The following PIK3AP1 variants were observed in gnomAD, a reference collection of about 807,000 sequenced individuals.
PIK3AP1 encodes the protein phosphoinositide-3-kinase adaptor protein 1.
PIK3AP1 carries 21 observed loss-of-function variants against 88.1 expected under a neutral mutation model. The observed-to-expected ratio is 0.24, with a 90% CI of 0.17 to 0.34. The LOEUF is 0.34. PIK3AP1 is among the 10% of genes least tolerant of loss of function. The pLI is 1.00. For missense variants in PIK3AP1, 828 were observed against 1,035.7 expected (o/e 0.80, Z 2.75); for synonymous variants, 398 against 400.0 (o/e 1.00, Z 0.06).
intron 2 of PIK3AP1, among the ~76,000 whole-genome samples, chr10:96,676,430 C>T (rs916970751): frequency 1.3e-5 from 2 of 151,702 alleles, no homozygotes; most frequent in African/African-American, 2.4e-5. Context: ...GGCTATGACC[C>T]GAGGTCATTA....
chr10:96,681,414 A>C (rs1254612717), intron 2 of PIK3AP1, among the ~76,000 whole-genome samples: 4 of 152,266 alleles, frequency 2.6e-5, no homozygotes, highest in South Asian at 4.1e-4. Context: ...TCAAAGTCAG[A>C]GAATAACTGG....
At chr10:96,704,148 G>A (rs1169660004) in intron 2 of PIK3AP1, among the ~76,000 whole-genome samples, 1 of 152,196 alleles carries the variant, frequency 6.6e-6, no homozygotes, top group Non-Finnish European at 1.5e-5. Context: ...TCTATGAGCA[G>A]GGGCAAAGGA....
chr10:96,704,932 T>C (rs1369620515), intron 2 of PIK3AP1, among the ~76,000 whole-genome samples: 1 of 152,156 alleles, frequency 6.6e-6, no homozygotes, highest in African/African-American at 2.4e-5. Flanking sequence ...TCTACTCTAT[T>C]ACCCACTCCA....
At chr10:96,610,385 C>T (rs1476712035) in intron 13 of PIK3AP1, among the ~76,000 whole-genome samples, 2 of 152,164 alleles carry the variant, frequency 1.3e-5, no homozygotes, top group African/African-American at 4.8e-5. Flanking sequence ...ATCATCAATG[C>T]CAGCAGAAAC....
intron 11 of PIK3AP1, 52 bp from the exon 12 acceptor site, chr10:96,620,609 C>CTGGTG: frequency 6.6e-7 from 1 of 1,506,172 alleles, no homozygotes; most frequent in Non-Finnish European, 9.2e-7. Context: ...GGGGACCACT[C>CTGGTG]ACCAGAAGTG....
Position 96,593,842 on chromosome 10 carries a change from G to A in PIK3AP1, c.*1735C>T, listed in dbSNP as rs574707750. On this transcript the variant is annotated 3_prime_UTR_variant, in exon 17 of 17. Transcript: ENST00000339364. Reference sequence around the variant, plus strand: ...AGATTCCAGAAGCTGTTTCTGACAAGAAGTCCTTGTTTCAGTACTCTTCAG... The same window carrying A: ...AGATTCCAGAAGCTGTTTCTGACAAAAAGTCCTTGTTTCAGTACTCTTCAG... 38 of 152,312 alleles carry A rather than the reference G, an allele frequency of 2.5e-4. 1 individual carries two copies. The South Asian group carries it at 4.8e-3, about 19-fold the overall frequency. The allele number at this position is 152,312 out of a possible 1,614,324, so 9.4% of individuals were successfully genotyped here. A position where few individuals can be genotyped will look rare whatever the true frequency, so the allele number is the denominator to read the frequency against.
At chr10:96,712,051 G>A (rs1455131662) in intron 1 of PIK3AP1, among the ~76,000 whole-genome samples, 2 of 152,002 alleles carry the variant, frequency 1.3e-5, no homozygotes, top group Non-Finnish European at 1.5e-5. Context: ...ACCGCACCCG[G>A]CCATATTACC....
intron 2 of PIK3AP1, among the ~76,000 whole-genome samples, chr10:96,657,937 C>T (rs1227918151): frequency 6.6e-6 from 1 of 151,956 alleles, no homozygotes; most frequent in East Asian, 1.9e-4. Context: ...GTGGCACATG[C>T]ATGTAATCCC....
intron 2 of PIK3AP1, among the ~76,000 whole-genome samples, chr10:96,689,997 T>A (rs554294425): frequency 6.6e-6 from 1 of 152,316 alleles, no homozygotes; most frequent in Admixed American, 6.5e-5. Flanking sequence ...TTAAATCTAG[T>A]AGAATTCTGT....
chr10:96,689,731 T>C (rs759519505), intron 2 of PIK3AP1, among the ~76,000 whole-genome samples: 17 of 152,176 alleles, frequency 1.1e-4, no homozygotes, highest in Non-Finnish European at 2.2e-4. Context: ...AGCAGGCAAC[T>C]TCCATGCTTA....
At chr10:96,648,630 A>G in intron 7 of PIK3AP1, 29 bp downstream of exon 7, 1 of 1,575,664 alleles carries the variant, frequency 6.3e-7, no homozygotes, top group Non-Finnish European at 8.6e-7. Context: ...TGCATTTCCA[A>G]TCCTGGGCCC....
chr10:96,688,565 G>A (rs758471540), intron 2 of PIK3AP1, among the ~76,000 whole-genome samples: 11 of 152,170 alleles, frequency 7.2e-5, no homozygotes, highest in Non-Finnish European at 1.2e-4. Flanking sequence ...TTGGTAGCCC[G>A]AGGCAGGTGG....
intron 9 of PIK3AP1, 119 bp downstream of exon 9, chr10:96,628,279 A>G: frequency 9.2e-6 from 8 of 870,526 alleles, no homozygotes; most frequent in Non-Finnish European, 1.5e-5. Flanking sequence ...TTCACATCAC[A>G]TGCCATGTAT....
At chr10:96,669,761 A>C (rs1352450256) in intron 2 of PIK3AP1, 1 of 151,848 alleles carries the variant, frequency 6.6e-6, no homozygotes, top group Non-Finnish European at 1.5e-5. Context: ...CCCTGTCTCA[A>C]AAAAACACAA....
intron 2 of PIK3AP1, among the ~76,000 whole-genome samples, chr10:96,673,928 C>T (rs1475896933): frequency 6.6e-6 from 1 of 152,180 alleles, no homozygotes; most frequent in Admixed American, 6.5e-5. Flanking sequence ...CCTTCGCATT[C>T]CGACCAGCTG....
At chr10:96,659,592 G>A (rs1482921568) in intron 2 of PIK3AP1, among the ~76,000 whole-genome samples, 1 of 151,768 alleles carries the variant, frequency 6.6e-6, no homozygotes, top group Non-Finnish European at 1.5e-5. Context: ...GCCAGGTGTG[G>A]TAGCTCACAC....
Position 96,616,620 on chromosome 10 carries a change from A to G in PIK3AP1, c.2014+19T>C, listed in dbSNP as rs1554953880. Reference sequence around the variant, plus strand: ...ACAGCAATGTCCCACACAATGCAGCACCCTAGGAAGCCACATACCTGTCTG... The same window carrying G: ...ACAGCAATGTCCCACACAATGCAGCGCCCTAGGAAGCCACATACCTGTCTG... On this transcript the variant is annotated intron_variant, in intron 13 of 16. Coordinates refer to ENST00000339364, the MANE Select transcript of PIK3AP1 (RefSeq NM_152309.3). 1 of 1,612,372 alleles carries G rather than the reference A, an allele frequency of 6.2e-7. No homozygotes were observed. Among genetic ancestry groups the G allele is most frequent in the East Asian group, 2.2e-5 (1 of 44,876 alleles).
intron 13 of PIK3AP1, among the ~76,000 whole-genome samples, chr10:96,610,909 G>A (rs773717706): frequency 2.6e-5 from 4 of 152,286 alleles, no homozygotes; most frequent in Admixed American, 6.5e-5. Context: ...TTTATACAGC[G>A]GTGGCTATAC....
intron 2 of PIK3AP1, among the ~76,000 whole-genome samples, chr10:96,691,444 T>C (rs1358377466): frequency 6.6e-6 from 1 of 151,818 alleles, no homozygotes; most frequent in Non-Finnish European, 1.5e-5. Context: ...AAGCCAAGCC[T>C]TTCCCTTTGC....
Sources: allele counts gnomAD v4.1 joint callset (sites outside exome capture counted in the v4.1 genomes callset), GRCh38; gene constraint gnomAD v4.1.1; transcripts MANE v1.5; gene names NCBI Gene and HGNC (gene_info 2026-07-23, HGNC 2026-07-21).